The following ZNF143 variants were observed in gnomAD, a reference collection of about 807,000 sequenced individuals.
ZNF143 encodes the protein SPH-binding factor.
A neutral mutation model predicts 74.1 loss-of-function variants in ZNF143; 49 were observed. The observed-to-expected ratio is 0.66, with a 90% confidence interval of 0.53 to 0.84. The LOEUF (loss-of-function observed/expected upper bound fraction) is 0.84. Ranked by LOEUF, ZNF143 falls within the 40% of genes least tolerant of loss-of-function variation. The pLI, the probability that ZNF143 is intolerant of heterozygous loss-of-function variation, is 0.00. For synonymous variants in ZNF143, 304 were observed against 282.8 expected, an observed-to-expected ratio of 1.07 and a Z score of -0.75; for missense variants, 637 against 793.4, an observed-to-expected ratio of 0.80 and a Z score of 2.37.
chr11:9,497,904 C>G (rs1402084586), intron 10 of ZNF143, 104 bp downstream of exon 10: 4 of 887,482 alleles, frequency 4.5e-6, no homozygotes, highest in Non-Finnish European at 6.3e-6. Context: ...AATCTTGGCT[C>G]ACTGCAAGCT....
intron 5 of ZNF143, among the ~76,000 whole-genome samples, chr11:9,475,910 ATGTGTGTGTGTGTGTG>A (rs61636956): frequency 9.0e-4 from 124 of 137,372 alleles, no homozygotes; most frequent in Admixed American, 1.9e-3. Flanking sequence ...AAAAATATAT[ATGTGTGTGTGTGTGTG>A]TGTGTGTGTG....
At chr11:9,524,253 A>G (rs1849048329) in intron 14 of ZNF143, among the ~76,000 whole-genome samples, 1 of 152,028 alleles carries the variant, frequency 6.6e-6, no homozygotes, top group South Asian at 2.1e-4. Context: ...CAGATATAAC[A>G]CAGTGTGACT....
rs571570591 is a variant in ZNF143, at chr11:9,465,196, A to G, written c.-8+4120A>G. 1.1e-3 allele frequency among the ~76,000 whole-genome samples: 165 copies of G among 152,050 alleles called. No homozygotes were observed. In the Middle Eastern group the frequency reaches 0.014, roughly 13 times the overall value. On this transcript the variant is annotated intron_variant, in intron 1 of 15. Transcript: ENST00000396602. ...ACTTACTATTTTTTTTATTTATTTT[A>G]TTTGTTTTGAGACGGAGTCTTACTC...
chr11:9,494,697 G>T lies in ZNF143; in HGVS notation c.697G>T (p.Gly233Ter). The T allele has an allele frequency of 6.2e-7, 1 of 1,613,312 alleles. No homozygotes were observed. Among genetic ancestry groups the T allele is most frequent in the Non-Finnish European group, 8.5e-7 (1 of 1,179,254 alleles). ...TRVTAKSQQS[G>*]EKAFRCEYDG... The stretch of plus-strand genomic sequence containing the variant: ...AGTAACTGCTAAATCTCAACAGAGT[G>T]GAGAGAAGGCATTTCGATGTGAATA... Residue 233 changes from glycine (G) to a stop codon, truncating the protein, a stop_gained, in exon 8 of 16, where the codon GGA (glycine) becomes TGA (stop). Transcript: ENST00000396602. LOFTEE classifies it high-confidence loss of function.
intron 4 of ZNF143, among the ~76,000 whole-genome samples, 199 bp from the exon 5 acceptor site, chr11:9,474,351 A>G (rs1856759557): frequency 6.6e-6 from 1 of 152,204 alleles, no homozygotes; most frequent in Admixed American, 6.5e-5. Flanking sequence ...GTATATTTCT[A>G]AAACCAATAT....
In ZNF143 at chr11:9,474,424, T is replaced by C. The variant is rs768289964; in HGVS notation, c.290-126T>C. 14 of 930,158 alleles carry C rather than the reference T, an allele frequency of 1.5e-5. No individual in the cohort carries two copies. In the Admixed American group the frequency reaches 3.3e-4, roughly 22 times the overall value. 57.6% of individuals were successfully genotyped at this position (930,158 alleles called of 1,614,324 possible). Reference sequence around the variant, plus strand: ...AGCTTTACTGAACTTACTTAAATGTTCAAAGACTCATGAAGCAAGTATAGA... The same window carrying C: ...AGCTTTACTGAACTTACTTAAATGTCCAAAGACTCATGAAGCAAGTATAGA... On this transcript the variant is annotated intron_variant, in intron 4 of 15. Coordinates refer to ENST00000396602, the MANE Select transcript of ZNF143 (RefSeq NM_003442.6).
In ZNF143 at chr11:9,525,283, C is replaced by T; in HGVS notation, c.1730C>T (p.Ser577Leu). Reference sequence around the variant, plus strand: ...GACTTGGCAGCATTCCATACTGCCTCATCAGAAATGGGGCACCAGCAGCAT... The same window carrying T: ...GACTTGGCAGCATTCCATACTGCCTTATCAGAAATGGGGCACCAGCAGCAT... ...AQDLAAFHTA[S>L]SEMGHQQHSH... is the part of the protein sequence containing the mutation. The change falls in exon 15 of 16, where the codon TCA becomes TTA. Residue 577 changes from serine (S) to leucine (L), a missense_variant. By Grantham distance (145) the Ser-to-Leu change is moderately radical (BLOSUM62 -2). Coordinates refer to ENST00000396602, the MANE Select transcript of ZNF143 (RefSeq NM_003442.6). 6.2e-7 allele frequency: 1 copy of T among 1,614,142 alleles called. No individual in the cohort carries two copies. Among genetic ancestry groups the T allele is most frequent in the Non-Finnish European group, 8.5e-7 (1 of 1,180,026 alleles).
At chr11:9,510,363 A>C (rs1356012683) in intron 12 of ZNF143, among the ~76,000 whole-genome samples, 2 of 152,050 alleles carry the variant, frequency 1.3e-5, no homozygotes, top group Non-Finnish European at 1.5e-5. Flanking sequence ...TGACCTCGTG[A>C]TCCGCCCACC....
intron 10 of ZNF143, among the ~76,000 whole-genome samples, chr11:9,500,709 A>G (rs1449803851): frequency 6.6e-6 from 1 of 152,228 alleles, no homozygotes; most frequent in Non-Finnish European, 1.5e-5. Flanking sequence ...TTGTAGAATA[A>G]ATCAAGTAGG....
rs185162642 is a variant in ZNF143 at position 9,504,920 on chromosome 11, G to A, written c.1147+3650G>A. ...AATCTCTTGACCTTGTGATCCACCCGCCTCGGCCTCCCAAAGTGCTGGGAT... is the reference window on the plus strand; with the variant it reads ...AATCTCTTGACCTTGTGATCCACCCACCTCGGCCTCCCAAAGTGCTGGGAT... On this transcript the variant is annotated intron_variant, in intron 11 of 15. Transcript: ENST00000396602. 6.9e-4 allele frequency among the ~76,000 whole-genome samples: 79 copies of A among 114,806 alleles called. 19 individuals are homozygous for A. The highest frequency in any genetic ancestry group is 5.7e-3 in the Middle Eastern group (1 of 176). 75.3% of individuals were successfully genotyped at this position (114,806 alleles called of 152,430 possible).
intron 7 of ZNF143, among the ~76,000 whole-genome samples, chr11:9,488,604 C>T (rs1847651598): frequency 6.6e-6 from 1 of 152,124 alleles, no homozygotes; most frequent in South Asian, 2.1e-4. Context: ...TTGCATTTTG[C>T]CCTGTTAGAT....
Position 9,478,569 on chromosome 11 carries a change from G to A in ZNF143, c.553G>A (p.Glu185Lys), listed in dbSNP as rs1375429212. 3.7e-6 allele frequency: 6 copies of A among 1,613,944 alleles called. No individual in the cohort carries two copies. The highest frequency in any genetic ancestry group is 1.1e-5 in the South Asian group (1 of 91,058). Residue 185 changes from glutamate (E) to lysine (K), a missense_variant, in exon 6 of 16, where the codon GAA becomes AAA. Glu to Lys is a moderately conservative substitution (Grantham distance 56). This residue lies in a region of ZNF143 where 293 missense variants were observed against 307.8 expected (regional missense o/e 0.95). Transcript: ENST00000396602. The part of the protein sequence containing the change: ...TIDPDTISAL[E>K]QYAAKVSIDG... ...TGACCCTGACACCATCAGTGCTTTG[G>A]AACAGTATGCAGCAAAGGTATAGCA...
At chr11:9,511,790 C>T (rs1449493699) in intron 12 of ZNF143, among the ~76,000 whole-genome samples, 7 of 128,836 alleles carry the variant, frequency 5.4e-5, no homozygotes, top group South Asian at 2.5e-4. Context: ...CTTGCTCTGT[C>T]GCCCAGGCTG....
intron 4 of ZNF143, 124 bp from the exon 5 acceptor site, chr11:9,474,426 A>G: frequency 1.1e-6 from 1 of 948,250 alleles, no homozygotes; most frequent in Non-Finnish European, 1.6e-6. Flanking sequence ...TTAAATGTTC[A>G]AAGACTCATG....
rs561162616 is a variant in ZNF143 at position 9,486,451 on chromosome 11, AT to A, written c.645+6906del. Among the ~76,000 whole-genome samples the A allele has an allele frequency of 5.2e-3, 363 of 69,862 alleles. 10 individuals carry two copies. The highest frequency in any genetic ancestry group is 8.2e-3 in the Non-Finnish European group (291 of 35,690). The allele number at this position is 69,862 out of a possible 152,430, so 45.8% of individuals were successfully genotyped here. A position where few individuals can be genotyped will look rare whatever the true frequency, so the allele number is the denominator to read the frequency against. On this transcript the variant is annotated intron_variant, in intron 7 of 15. Coordinates refer to ENST00000396602, the MANE Select transcript of ZNF143 (RefSeq NM_003442.6). Reference sequence around the variant, plus strand: ...ATATTATATATATAATATATTATATATATTATATATATATAAAAGCCCTGTT... The same window carrying A: ...ATATTATATATATAATATATTATATAATTATATATATATAAAAGCCCTGTT...
chr11:9,465,115 G>A (rs909275881), intron 1 of ZNF143, among the ~76,000 whole-genome samples: 4 of 152,162 alleles, frequency 2.6e-5, no homozygotes, highest in Non-Finnish European at 5.9e-5. Context: ...TGGATAGCAA[G>A]GGCTAGAGAA....
In ZNF143 at chr11:9,472,180, C is replaced by G. The variant is rs150351702; in HGVS notation, c.113-497C>G. On this transcript the variant is annotated intron_variant, in intron 2 of 15. Transcript: ENST00000396602. Reference sequence around the variant, plus strand: ...CTGGGCTCAAGCCATCCACCCACCTCAGCCTCCAAAAGTGCTGGGATTACA... The same window carrying G: ...CTGGGCTCAAGCCATCCACCCACCTGAGCCTCCAAAAGTGCTGGGATTACA... Among the ~76,000 whole-genome samples the G allele has an allele frequency of 8.4e-4, 128 of 152,174 alleles. 1 individual carries two copies. In the East Asian group the frequency reaches 0.024, roughly 29 times the overall value.
At chr11:9,510,156 G>T (rs1028295005) in intron 12 of ZNF143, among the ~76,000 whole-genome samples, 4 of 145,410 alleles carry the variant, frequency 2.8e-5, no homozygotes, top group African/African-American at 1.0e-4. Flanking sequence ...ATGGAGTCTC[G>T]CTCTGTTGCC....
chr11:9,496,295 A>G lies in ZNF143; in HGVS notation c.766-8A>G. On this transcript the variant is annotated splice_region_variant and splice_polypyrimidine_tract_variant and intron_variant, in intron 8 of 15. Transcript: ENST00000396602. The stretch of plus-strand genomic sequence containing the variant: ...GGAAATAGAATCATGCCTGCATTTT[A>G]ATCACAGGTCCATGAGAGGTCACAC... 1.2e-6 allele frequency: 2 copies of G among 1,613,956 alleles called. No homozygotes were observed. Among genetic ancestry groups the G allele is most frequent in the Non-Finnish European group, 1.7e-6 (2 of 1,179,830 alleles).
Sources: allele counts gnomAD v4.1 joint callset (sites outside exome capture counted in the v4.1 genomes callset), GRCh38; gene constraint gnomAD v4.1.1; regional missense constraint gnomAD v4.1.1; transcripts MANE v1.5; gene names NCBI Gene and HGNC (gene_info 2026-07-23, HGNC 2026-07-21).